USP21: variants seen among roughly 807,000 people sequenced by gnomAD.
The protein encoded by USP21 is ubiquitin carboxyl-terminal hydrolase 21.
Under a neutral mutation model 70.8 loss-of-function variants are expected in USP21, and 37 were observed. The ratio of observed to expected loss-of-function variants is 0.52; its 90% confidence interval spans 0.40 to 0.69. The LOEUF is 0.69. Among genes scored for constraint, USP21 ranks in the 30% least tolerant of loss-of-function variants. The probability of loss-of-function intolerance (pLI) is 0.00; values close to 1 mark genes in which losing one functional copy is unlikely to be tolerated. For synonymous variants in USP21, 263 were observed against 283.1 expected (o/e 0.93, Z 0.71); for missense variants, 584 against 740.8 (o/e 0.79, Z 2.46).
chr1:161,160,364 A>G lies in USP21; in HGVS notation c.-162-2A>G, dbSNP rs1041217247. 2.7e-5 allele frequency: 14 copies of G among 520,488 alleles called. No individual in the cohort carries two copies. Among genetic ancestry groups the G allele is most frequent in the African/African-American group, 7.6e-5 (4 of 52,398 alleles). The allele number at this position is 520,488 out of a possible 1,614,324, so 32.2% of individuals were successfully genotyped here. On this transcript the variant is annotated splice_acceptor_variant, in intron 1 of 13. Coordinates refer to ENST00000368002, the MANE Select transcript of USP21 (RefSeq NM_001014443.3). LOFTEE classifies it low-confidence loss of function (5UTR_SPLICE). ...TTTACTTTGTACCAAACACGATGCC[A>G]GGTACTGGGGATACGATGGCTGATT...
In USP21 at chr1:161,162,560, C is replaced by G; in HGVS notation, c.782-55C>G. 6.5e-7 allele frequency: 1 copy of G among 1,537,606 alleles called. No individual in the cohort carries two copies. The highest frequency in any genetic ancestry group is 9.0e-7 in the Non-Finnish European group (1 of 1,111,894). On this transcript the variant is annotated intron_variant, in intron 5 of 13. Transcript: ENST00000368002. The surrounding 1 kb of genome is among the most constrained non-coding windows in gnomAD (Gnocchi z 4.1). The stretch of plus-strand genomic sequence containing the variant: ...TTTCTACCCTCTGAGCCACCTTTTG[C>G]TTGCCTCTTCCAGACATTAACCTTT...
Position 161,165,378 on chromosome 1 carries a change from C to T in USP21, c.1629C>T (p.Asn543=), listed in dbSNP as rs1432237905. The T allele has an allele frequency of 6.2e-7, 1 of 1,614,114 alleles. No individual in the cohort carries two copies. The highest frequency in any genetic ancestry group is 8.5e-7 in the Non-Finnish European group (1 of 1,179,984). ...CTAGTGTCTCCCCTGTCAGTGAAAA[C>T]CAGGTGGCATCCAGCGAGGGCTACG... ...NDSRVSPVSE[N]QVASSEGYVL... Residue 543 remains asparagine (N), a synonymous_variant, in exon 14 of 14, where the codon AAC becomes AAT. Transcript: ENST00000368002.
At chr1:161,163,493 T>C (rs1658114999) in intron 7 of USP21, 62 bp from the exon 8 acceptor site, 2 of 1,506,690 alleles carry the variant, frequency 1.3e-6, no homozygotes, top group Non-Finnish European at 9.2e-7. Context: ...CAGTGGGTGT[T>C]GGGGGTGCCC....
At chr1:161,163,834 C>T in intron 8 of USP21, 44 bp from the exon 9 acceptor site, 2 of 1,562,570 alleles carry the variant, frequency 1.3e-6, no homozygotes, top group South Asian at 1.1e-5. Flanking sequence ...CATCTCATAA[C>T]ATCCAACAAT....
chr1:161,162,858 G>C lies in USP21; in HGVS notation c.894-61G>C. The C allele has an allele frequency of 3.8e-6, 6 of 1,593,932 alleles. No homozygotes were observed. Among genetic ancestry groups the C allele is most frequent in the Non-Finnish European group, 5.1e-6 (6 of 1,165,716 alleles). On this transcript the variant is annotated intron_variant, in intron 6 of 13. Coordinates refer to ENST00000368002, the MANE Select transcript of USP21 (RefSeq NM_001014443.3). This position sits in a 1 kb window ranked among gnomAD's most constrained non-coding sequence, Gnocchi z 4.1. ...GGAAGTGGGGACCAATATCTGGGCA[G>C]GGAATAGTGTCTGTGGACTAGGAGA...
Position 161,164,048 on chromosome 1 carries a change from A to G in USP21, c.1218+67A>G, listed in dbSNP as rs1364500680. The stretch of plus-strand genomic sequence containing the variant: ...CTGTGACCCAAGCCTACCCACCCCC[A>G]GAGTGTGGGCGGGAACCCTGTGGGT... On this transcript the variant is annotated intron_variant, in intron 9 of 13. Transcript: ENST00000368002. The surrounding 1 kb of genome is among the most constrained non-coding windows in gnomAD (Gnocchi z 4.2). 1.9e-6 allele frequency: 3 copies of G among 1,584,390 alleles called. No homozygotes were observed. The African/African-American group carries it at 4.0e-5, about 21-fold the overall frequency.
At position 161,162,577 on chromosome 1, in the gene USP21, T is replaced by C. The variant is rs750525269; in HGVS notation, c.782-38T>C. ...ACCTTTTGCTTGCCTCTTCCAGACATTAACCTTTGTTTGCCTTCCCCACTC... is the reference window on the plus strand; with the variant it reads ...ACCTTTTGCTTGCCTCTTCCAGACACTAACCTTTGTTTGCCTTCCCCACTC... On this transcript the variant is annotated intron_variant, in intron 5 of 13. Coordinates refer to ENST00000368002, the MANE Select transcript of USP21 (RefSeq NM_001014443.3). This position sits in a 1 kb window ranked among gnomAD's most constrained non-coding sequence, Gnocchi z 4.1. 8 of 1,566,716 alleles carry C rather than the reference T, an allele frequency of 5.1e-6. No individual in the cohort carries two copies. In the African/African-American group the frequency reaches 6.8e-5, roughly 13 times the overall value.
chr1:161,164,621 A>G lies in USP21; in HGVS notation c.1384+9A>G, dbSNP rs368855183. 21 of 1,614,006 alleles carry G rather than the reference A, an allele frequency of 1.3e-5. No homozygotes were observed. Among genetic ancestry groups the G allele is most frequent in the Non-Finnish European group, 1.8e-5 (21 of 1,179,962 alleles). On this transcript the variant is annotated intron_variant, in intron 11 of 13. Coordinates refer to ENST00000368002, the MANE Select transcript of USP21 (RefSeq NM_001014443.3). This position sits in a 1 kb window ranked among gnomAD's most constrained non-coding sequence, Gnocchi z 4.2. The stretch of plus-strand genomic sequence containing the variant: ...TCGAATCCTCGTGCTCCATATCCTA[A>G]TCTTCAGATTCTTACTTCTCTTAGG...
At position 161,164,976 on chromosome 1, in the gene USP21, A is replaced by AT. The variant is rs780062988; in HGVS notation, c.1492+34_1492+35insT. ...GGTGGGGAAAGTCCTAAGGAGCCAA[A>AT]GGAGTGGGGGCACAGCTCTGATTAT... On this transcript the variant is annotated intron_variant, in intron 12 of 13. Coordinates refer to ENST00000368002, the MANE Select transcript of USP21 (RefSeq NM_001014443.3). This position sits in a 1 kb window ranked among gnomAD's most constrained non-coding sequence, Gnocchi z 4.2. The AT allele has an allele frequency of 6.2e-7, 1 of 1,613,206 alleles. No homozygotes were observed. The highest frequency in any genetic ancestry group is 2.2e-5 in the East Asian group (1 of 44,854).
rs370136231 is a variant in USP21, at chr1:161,162,915, G to A, written c.894-4G>A. On this transcript the variant is annotated splice_region_variant and splice_polypyrimidine_tract_variant and intron_variant, in intron 6 of 13. Transcript: ENST00000368002. This position sits in a 1 kb window ranked among gnomAD's most constrained non-coding sequence, Gnocchi z 4.1. ...AGTTGCCCATACTCTTTGTCTGGCT[G>A]TAGCCAGCAGGATGCCCAAGAGTTC... 71 of 1,607,166 alleles carry A rather than the reference G, an allele frequency of 4.4e-5. No individual in the cohort carries two copies. In the South Asian group the frequency reaches 5.7e-4, roughly 13 times the overall value.
At chr1:161,163,674 C>T in intron 8 of USP21, 55 bp downstream of exon 8, 1 of 1,551,176 alleles carries the variant, frequency 6.4e-7, no homozygotes, top group Non-Finnish European at 8.8e-7. Flanking sequence ...GGGGTACAGG[C>T]TTGGGGGGAA....
rs1388419772 is a variant in USP21, at chr1:161,165,615, C to T, written c.*168C>T. 6.8e-6 allele frequency: 4 copies of T among 586,092 alleles called. No individual in the cohort carries two copies. The highest frequency in any genetic ancestry group is 6.1e-6 in the Non-Finnish European group (2 of 329,906). The allele number at this position is 586,092 out of a possible 1,614,324, so 36.3% of individuals were successfully genotyped here. On this transcript the variant is annotated 3_prime_UTR_variant, in exon 14 of 14. Transcript: ENST00000368002. Reference sequence around the variant, plus strand: ...TAAAAAATACCCTTCCACCTGGAGGCTCCCTTGTCTCCCAGCCCCATGTAC... The same window carrying T: ...TAAAAAATACCCTTCCACCTGGAGGTTCCCTTGTCTCCCAGCCCCATGTAC...
chr1:161,163,019 C>G lies in USP21; in HGVS notation c.994C>G (p.Pro332Ala). Residue 332 changes from proline (P) to alanine (A), a missense_variant, in exon 7 of 14, where the codon CCA (proline) becomes GCA (alanine). Transcript: ENST00000368002. ...GGCTCCACCGATACTTGCCAATGGT[C>G]CAGTTCCCTCTCCACCCCGCCGAGG... is the stretch of plus-strand genomic sequence containing the variant. The part of the protein sequence containing the change: ...RRAPPILANG[P>A]VPSPPRRGGA... The G allele has an allele frequency of 6.2e-7, 1 of 1,613,860 alleles. No individual in the cohort carries two copies. Among genetic ancestry groups the G allele is most frequent in the African/African-American group, 1.3e-5 (1 of 75,002 alleles).
chr1:161,165,573 T>C lies in USP21; in HGVS notation c.*126T>C, dbSNP rs567878891. Reference sequence around the variant, plus strand: ...GGAGGGGGGAGGGGGTGGTTGTAGCTCCATTATTTTTTTTATTAAAAAATA... The same window carrying C: ...GGAGGGGGGAGGGGGTGGTTGTAGCCCCATTATTTTTTTTATTAAAAAATA... On this transcript the variant is annotated 3_prime_UTR_variant, in exon 14 of 14. Transcript: ENST00000368002. 6.8e-5 allele frequency: 42 copies of C among 618,130 alleles called. 1 individual carries two copies. In the South Asian group the frequency reaches 8.6e-4, roughly 13 times the overall value. The allele number at this position is 618,130 out of a possible 1,614,324, so 38.3% of individuals were successfully genotyped here.
At chr1:161,165,312 A>G (rs1358835460) in intron 13 of USP21, 45 bp from the exon 14 acceptor site, 1 of 1,577,888 alleles carries the variant, frequency 6.3e-7, no homozygotes, top group Non-Finnish European at 8.7e-7. Context: ...AGAAGGGAGT[A>G]AACAGGAATG....
In USP21 at chr1:161,162,183, C is replaced by T. The variant is rs1188867086; in HGVS notation, c.660+86C>T. On this transcript the variant is annotated intron_variant, in intron 4 of 13. Coordinates refer to ENST00000368002, the MANE Select transcript of USP21 (RefSeq NM_001014443.3). The surrounding 1 kb of genome is among the most constrained non-coding windows in gnomAD (Gnocchi z 4.1). ...GGAAAACCCACGAGCTTGGGGAAGG[C>T]ATGTGGAAGGAGAGCTCTGAAGCTC... 2 of 1,612,706 alleles carry T rather than the reference C, an allele frequency of 1.2e-6. No homozygotes were observed. The highest frequency in any genetic ancestry group is 8.5e-7 in the Non-Finnish European group (1 of 1,178,952).
Position 161,165,661 on chromosome 1 carries a change from C to G in USP21, c.*214C>G. 2 of 533,394 alleles carry G rather than the reference C, an allele frequency of 3.7e-6. No individual in the cohort carries two copies. The highest frequency in any genetic ancestry group is 2.9e-5 in the East Asian group (1 of 34,554). 33.0% of individuals were successfully genotyped at this position (533,394 alleles called of 1,614,324 possible). On this transcript the variant is annotated 3_prime_UTR_variant, in exon 14 of 14. Transcript: ENST00000368002. ...TGTACAAAGCTCACCAAGCCCCTGC[C>G]CATGTACAGCCCCCAGACCCTCTGC...
At position 161,163,903 on chromosome 1, in the gene USP21, T is replaced by C. The variant is rs144266041; in HGVS notation, c.1140T>C (p.Ser380=). 1.7e-4 allele frequency: 273 copies of C among 1,614,044 alleles called. 1 individual carries two copies. Among genetic ancestry groups the C allele is most frequent in the Non-Finnish European group, 2.2e-4 (259 of 1,180,032 alleles). Residue 380 remains serine, a synonymous_variant, in exon 9 of 14, where the codon AGT becomes AGC. Coordinates refer to ENST00000368002, the MANE Select transcript of USP21 (RefSeq NM_001014443.3). ...ACCTGTTTGTGGGCCAGTTGAAAAG[T>C]TGTCTCAAGTGCCAGGCCTGTGGGT... is the stretch of plus-strand genomic sequence containing the variant. ...IVDLFVGQLK[S]CLKCQACGYR... is the part of the protein sequence containing the mutation.
rs1165174642 is a variant in USP21 at position 161,161,735 on chromosome 1, G to T, written c.601-303G>T. The T allele has an allele frequency of 2.0e-6, 1 of 495,990 alleles. No homozygotes were observed. 30.7% of individuals were successfully genotyped at this position (495,990 alleles called of 1,614,324 possible). A position where few individuals can be genotyped will look rare whatever the true frequency, so the allele number is the denominator to read the frequency against. ...AGAAAGGTGGGAGTGGTGAGCAGCT[G>T]GGCAACCATGCCGGTGCTGGGGGAG... On this transcript the variant is annotated intron_variant, in intron 3 of 13. Coordinates refer to ENST00000368002, the MANE Select transcript of USP21 (RefSeq NM_001014443.3). This position sits in a 1 kb window ranked among gnomAD's most constrained non-coding sequence, Gnocchi z 4.2.
Sources: allele counts gnomAD v4.1 joint callset, GRCh38; gene constraint gnomAD v4.1.1; non-coding constraint Gnocchi (gnomAD v3.1); transcripts MANE v1.5; gene names NCBI Gene and HGNC (gene_info 2026-07-23, HGNC 2026-07-21).